Variants in NAA35 observed in about 807,000 individuals in gnomAD.
NAA35 encodes N-alpha-acetyltransferase 35, NatC auxiliary subunit, also known as MAK10 homolog, amino-acid N-acetyltransferase subunit.
Under a neutral mutation model 101.7 loss-of-function variants are expected in NAA35, and 18 were observed. The ratio of observed to expected loss-of-function variants is 0.18; its 90% CI spans 0.12 to 0.26. The LOEUF is 0.26. Ranked by LOEUF, NAA35 falls within the 10% of genes least tolerant of loss-of-function variation. NAA35 has a pLI of 1.00. For synonymous variants in NAA35, 267 were observed against 273.1 expected (o/e 0.98, Z 0.22); for missense variants, 601 against 886.8 (o/e 0.68, Z 4.09).
intron 12 of NAA35, among the ~76,000 whole-genome samples, chr9:85,999,065 A>G (rs1199031096): frequency 6.6e-6 from 1 of 152,026 alleles, no homozygotes; most frequent in South Asian, 2.1e-4. Flanking sequence ...CCTTAGTAAA[A>G]CTTTCACTGA....
At position 86,013,032 on chromosome 9, in the gene NAA35, T is replaced by C. The variant is rs1274002988; in HGVS notation, c.1291-14T>C. 1 of 1,469,484 alleles carries C rather than the reference T, an allele frequency of 6.8e-7. No individual in the cohort carries two copies. Among genetic ancestry groups the C allele is most frequent in the Non-Finnish European group, 9.2e-7 (1 of 1,086,686 alleles). 91.0% of individuals were successfully genotyped at this position (1,469,484 alleles called of 1,614,324 possible). On this transcript the variant is annotated splice_polypyrimidine_tract_variant and intron_variant, in intron 15 of 22. Coordinates refer to ENST00000361671, the MANE Select transcript of NAA35 (RefSeq NM_024635.4). Reference sequence around the variant, plus strand: ...TTTCATATTTACAGTTGACAAATTATATGTGTATTGCAGCCATTCTGTAGT... The same window carrying C: ...TTTCATATTTACAGTTGACAAATTACATGTGTATTGCAGCCATTCTGTAGT...
chr9:86,010,869 G>T (rs747912888), intron 15 of NAA35, among the ~76,000 whole-genome samples: 6 of 151,052 alleles, frequency 4.0e-5, no homozygotes, highest in Admixed American at 4.0e-4. Flanking sequence ...GAGCCACCGC[G>T]CCTGGCCTAA....
At chr9:85,974,888 T>A (rs1328164873) in intron 6 of NAA35, 79 bp from the exon 7 acceptor site, 1 of 962,814 alleles carries the variant, frequency 1.0e-6, no homozygotes, top group African/African-American at 1.7e-5. Context: ...GTAAGAGAAA[T>A]ATAAAGAAAA....
chr9:85,983,460 G>T lies in NAA35; in HGVS notation c.877+5079G>T, dbSNP rs1830519089. On this transcript the variant is annotated intron_variant, in intron 11 of 22. Coordinates refer to ENST00000361671, the MANE Select transcript of NAA35 (RefSeq NM_024635.4). ...ACCTGTATTCACAGTGCTCTTAATG[G>T]TTTTTTTTTGGTATGTGCTCTAGTT... 2.0e-5 allele frequency among the ~76,000 whole-genome samples: 3 copies of T among 151,316 alleles called. No individual in the cohort carries two copies. In the South Asian group the frequency reaches 6.3e-4, roughly 32 times the overall value.
chr9:85,953,370 A>G (rs1033838411), intron 2 of NAA35, among the ~76,000 whole-genome samples: 13 of 152,052 alleles, frequency 8.5e-5, no homozygotes, highest in African/African-American at 2.4e-4. Flanking sequence ...CATTAAACAA[A>G]CGGTAACTCT....
At chr9:86,019,490 T>TTA (rs1832414637) in intron 21 of NAA35, among the ~76,000 whole-genome samples, 1 of 152,128 alleles carries the variant, frequency 6.6e-6, no homozygotes, top group Non-Finnish European at 1.5e-5. Context: ...TAACTAAGTC[T>TTA]TACATAAGTA....
At chr9:85,950,888 G>C (rs1828988964) in intron 2 of NAA35, among the ~76,000 whole-genome samples, 1 of 152,112 alleles carries the variant, frequency 6.6e-6, no homozygotes, top group African/African-American at 2.4e-5. Flanking sequence ...TGTAATCCTA[G>C]CACTTTGGGA....
chr9:85,949,208 A>G (rs2118274378), intron 2 of NAA35, among the ~76,000 whole-genome samples: 1 of 151,986 alleles, frequency 6.6e-6, no homozygotes, highest in South Asian at 2.1e-4. Context: ...CTCCTTATGG[A>G]ATGTCTGTTA....
chr9:85,977,754 T>C (rs1830274634), intron 10 of NAA35, among the ~76,000 whole-genome samples: 1 of 152,194 alleles, frequency 6.6e-6, no homozygotes, highest in South Asian at 2.1e-4. Flanking sequence ...TTCAGTTACA[T>C]AATTAACTGT....
At chr9:85,990,612 C>A (rs1564310962) in intron 11 of NAA35, among the ~76,000 whole-genome samples, 1 of 152,200 alleles carries the variant, frequency 6.6e-6, no homozygotes, top group Admixed American at 6.5e-5. Flanking sequence ...CCATGTATTT[C>A]CAATTTAGTG....
chr9:85,942,990 C>CT (rs1366013180), intron 2 of NAA35, among the ~76,000 whole-genome samples: 2 of 152,056 alleles, frequency 1.3e-5, no homozygotes, highest in African/African-American at 4.8e-5. Context: ...TACAGCTTAT[C>CT]TTTTTCAGAA....
chr9:86,020,788 C>A, intron 21 of NAA35, 101 bp from the exon 22 acceptor site: 3 of 800,540 alleles, frequency 3.7e-6, no homozygotes, highest in Non-Finnish European at 6.1e-6. Context: ...CGTGTTCTTA[C>A]CACTGTACTC....
Position 85,978,270 on chromosome 9 carries a change from A to G in NAA35, c.766A>G (p.Ser256Gly). The G allele has an allele frequency of 6.3e-7, 1 of 1,594,830 alleles. No homozygotes were observed. ...VLIAFTKKET[S>G]AVAEAQKLMV... ...TTTTTGGTGATTTATTTGCTAGACC[A>G]GTGCTGTTGCAGAAGCTCAAAAATT... is the stretch of plus-strand genomic sequence containing the variant. Residue 256 changes from serine (S) to glycine (G), a missense_variant, in exon 11 of 23, where the codon AGT becomes GGT. Transcript: ENST00000361671.
chr9:86,020,978 A>G lies in NAA35; in HGVS notation c.2118+9A>G, dbSNP rs1487861984. ...ACAAAAAGGAATCTAAAGTGAGTACATTGTGGGAAAAATAAGTGGTCTTAG... is the reference window on the plus strand; with the variant it reads ...ACAAAAAGGAATCTAAAGTGAGTACGTTGTGGGAAAAATAAGTGGTCTTAG... On this transcript the variant is annotated intron_variant, in intron 22 of 22. Transcript: ENST00000361671. 1 of 1,597,534 alleles carries G rather than the reference A, an allele frequency of 6.3e-7. No individual in the cohort carries two copies. The highest frequency in any genetic ancestry group is 1.3e-5 in the African/African-American group (1 of 74,488).
intron 2 of NAA35, among the ~76,000 whole-genome samples, chr9:85,943,098 G>A (rs564661693): frequency 1.3e-5 from 2 of 152,292 alleles, no homozygotes; most frequent in East Asian, 3.9e-4. Flanking sequence ...CTAGTATACA[G>A]AACAGTTCCT....
chr9:85,987,089 C>T (rs1479518969), intron 11 of NAA35: 1 of 152,228 alleles, frequency 6.6e-6, no homozygotes, highest in Non-Finnish European at 1.5e-5. Context: ...GTGGGACAAG[C>T]TTGAGGTAGA....
chr9:85,956,324 A>T, intron 2 of NAA35, 36 bp from the exon 3 acceptor site: 1 of 1,247,430 alleles, frequency 8.0e-7, no homozygotes, highest in Non-Finnish European at 1.1e-6. Context: ...GTTAAATATA[A>T]ATATGTTCAA....
chr9:85,978,454 T>A, intron 11 of NAA35, 73 bp downstream of exon 11: 2 of 1,056,594 alleles, frequency 1.9e-6, no homozygotes, highest in Non-Finnish European at 2.9e-6. Flanking sequence ...TAGCTTGTAC[T>A]AAAGTTTTTT....
At position 85,941,206 on chromosome 9, in the gene NAA35, C is replaced by A. The variant is rs377706157; in HGVS notation, c.-73C>A. On this transcript the variant is annotated 5_prime_UTR_variant, in exon 1 of 23. Transcript: ENST00000361671. ...TGAGAGGGGAGGGGGCGGCGGCGGC[C>A]GAGGCGGCGTCGTTATTTCCGTGGT... 730 of 986,834 alleles carry A rather than the reference C, an allele frequency of 7.4e-4. 11 individuals carry two copies. In the South Asian group the frequency reaches 0.028, roughly 38 times the overall value. The allele number at this position is 986,834 out of a possible 1,614,324, so 61.1% of individuals were successfully genotyped here.
Sources: allele counts gnomAD v4.1 joint callset (sites outside exome capture counted in the v4.1 genomes callset), GRCh38; gene constraint gnomAD v4.1.1; transcripts MANE v1.5; gene names NCBI Gene and HGNC (gene_info 2026-07-23, HGNC 2026-07-21).